Variants in TRAK1 observed in about 807,000 individuals in gnomAD.
The protein encoded by TRAK1 is trafficking kinesin protein 1.
In TRAK1, 33 loss-of-function variants were observed where a neutral mutation model predicts 92.1. The observed-to-expected ratio is 0.36, with a 90% CI of 0.27 to 0.48. The LOEUF is 0.48. Ranked by LOEUF, TRAK1 falls within the 20% of genes least tolerant of loss-of-function variation. TRAK1 has a pLI of 0.99. For missense variants in TRAK1, 1,123 were observed against 1,257.9 expected (o/e 0.89, Z 1.62); for synonymous variants, 521 against 517.3 (o/e 1.01, Z -0.10).
chr3:42,057,757 C>T (rs1703257447), intron 1 of TRAK1, among the ~76,000 whole-genome samples: 1 of 152,122 alleles, frequency 6.6e-6, no homozygotes, highest in African/African-American at 2.4e-5. Context: ...GGCTCTGTCT[C>T]ATTTGCATCT....
At chr3:42,222,857 C>A in intron 15 of TRAK1, 85 bp from the exon 16 acceptor site, 5 of 1,461,232 alleles carry the variant, frequency 3.4e-6, no homozygotes, top group Non-Finnish European at 4.7e-6. Context: ...GTCGTCCCTA[C>A]CCCCCCTGCA....
At chr3:42,144,487 A>G (rs1699086719) in intron 2 of TRAK1, among the ~76,000 whole-genome samples, 2 of 152,134 alleles carry the variant, frequency 1.3e-5, no homozygotes, top group African/African-American at 4.8e-5. Context: ...CCTGTACCAA[A>G]CCTCAGACCA....
chr3:42,145,688 A>T (rs1436953002), intron 2 of TRAK1: 1 of 155,674 alleles, frequency 6.4e-6, no homozygotes, highest in East Asian at 1.9e-4. Flanking sequence ...AAATGTAGTC[A>T]ATTTGCCAAC....
intron 1 of TRAK1, among the ~76,000 whole-genome samples, chr3:42,115,436 C>T (rs537560615): frequency 2.2e-4 from 34 of 152,206 alleles, no homozygotes; most frequent in East Asian, 7.7e-4. Context: ...TTTCCAAACA[C>T]GGCTGAGTCG....
rs543535001 is a variant in TRAK1, at chr3:42,165,824, A to G, written c.287-10990A>G. On this transcript the variant is annotated intron_variant, in intron 2 of 15. Coordinates refer to ENST00000327628, the MANE Select transcript of TRAK1 (RefSeq NM_001042646.3). ...GCTTGGGATTTGGTCCTCAGTATCC[A>G]TGGCTACCCCACGCAGGCCTCCTGT... 2.0e-5 allele frequency among the ~76,000 whole-genome samples: 3 copies of G among 152,106 alleles called. No individual in the cohort carries two copies. The South Asian group carries it at 6.3e-4, about 32-fold the overall frequency.
intron 2 of TRAK1, among the ~76,000 whole-genome samples, chr3:42,126,114 C>T (rs1423634928): frequency 4.6e-5 from 7 of 151,570 alleles, no homozygotes; most frequent in Non-Finnish European, 8.8e-5. Context: ...CCTTGGCCTC[C>T]GAAAGTGCTG....
At chr3:42,042,222 C>T (rs1162736589) in intron 1 of TRAK1, among the ~76,000 whole-genome samples, 2 of 152,020 alleles carry the variant, frequency 1.3e-5, no homozygotes, top group South Asian at 2.1e-4. Context: ...CCATCGAGCT[C>T]GGCCTGTTTC....
At chr3:42,162,125 C>G (rs887494185) in intron 2 of TRAK1, among the ~76,000 whole-genome samples, 1 of 151,990 alleles carries the variant, frequency 6.6e-6, no homozygotes, top group Non-Finnish European at 1.5e-5. Flanking sequence ...GCCTTAAAGC[C>G]TAGCAAGATT....
At position 42,189,527 on chromosome 3, in the gene TRAK1, C is replaced by CT. The variant is rs1004547523; in HGVS notation, c.690+408dup. Reference sequence around the variant, plus strand: ...TGGGTGCTCAGAGAGAGCCATATTTCTTTTTCTTTTTTTCTTTTTTTTTGA... The same window carrying CT: ...TGGGTGCTCAGAGAGAGCCATATTTCTTTTTTCTTTTTTTCTTTTTTTTTGA... On this transcript the variant is annotated intron_variant, in intron 6 of 15. Transcript: ENST00000327628. 4.1e-4 allele frequency among the ~76,000 whole-genome samples: 63 copies of CT among 152,254 alleles called. No individual in the cohort carries two copies. In the Middle Eastern group the frequency reaches 0.014, roughly 33 times the overall value.
At chr3:42,102,460 G>A (rs190483840) in intron 1 of TRAK1, among the ~76,000 whole-genome samples, 1 of 152,344 alleles carries the variant, frequency 6.6e-6, no homozygotes, top group African/African-American at 2.4e-5. Context: ...ATTTGCTGAT[G>A]TGTTAAGGGT....
chr3:42,211,552 G>A (rs529201469), intron 14 of TRAK1: 343 of 985,298 alleles, frequency 3.5e-4, no homozygotes, highest in Non-Finnish European at 3.8e-4. Context: ...GCTGATTTTC[G>A]TGGCTAAAGG....
intron 1 of TRAK1, among the ~76,000 whole-genome samples, chr3:42,056,835 C>T (rs1033495563): frequency 6.6e-6 from 1 of 152,154 alleles, no homozygotes; most frequent in Non-Finnish European, 1.5e-5. Flanking sequence ...TAATAATAGG[C>T]TATTCTACAT....
chr3:42,104,689 CT>C (rs1664821296), intron 1 of TRAK1, among the ~76,000 whole-genome samples: 1 of 152,210 alleles, frequency 6.6e-6, no homozygotes, highest in South Asian at 2.1e-4. Flanking sequence ...AAAACCCCAT[CT>C]GTACGTCACC....
chr3:42,166,490 C>G (rs1366787948), intron 2 of TRAK1, among the ~76,000 whole-genome samples: 1 of 152,176 alleles, frequency 6.6e-6, no homozygotes, highest in Non-Finnish European at 1.5e-5. Context: ...ATGGTTGTGT[C>G]TCTCTCGACC....
intron 1 of TRAK1, among the ~76,000 whole-genome samples, chr3:42,095,930 A>G: frequency 6.6e-6 from 1 of 152,218 alleles, no homozygotes; most frequent in Non-Finnish European, 1.5e-5. Flanking sequence ...AGAGCTAGCT[A>G]GCCTGTTCTA....
intron 14 of TRAK1, chr3:42,212,634 GT>G: frequency 1.2e-6 from 1 of 820,630 alleles, no homozygotes; most frequent in Non-Finnish European, 1.5e-6. Flanking sequence ...TTAGATTATA[GT>G]TTTACTTTAT....
chr3:42,148,597 A>G (rs966030739), intron 2 of TRAK1, among the ~76,000 whole-genome samples: 15 of 152,146 alleles, frequency 9.9e-5, no homozygotes, highest in African/African-American at 3.6e-4. Context: ...TCTAGTGTGC[A>G]CTTTAACGCC....
chr3:42,185,131 C>CT (rs1258322049), intron 4 of TRAK1, among the ~76,000 whole-genome samples: 12 of 152,196 alleles, frequency 7.9e-5, no homozygotes, highest in African/African-American at 2.9e-4. Flanking sequence ...AGTCTAGACT[C>CT]TAACGATGCA....
intron 1 of TRAK1, among the ~76,000 whole-genome samples, chr3:42,058,147 G>C (rs1703273889): frequency 6.6e-6 from 1 of 152,076 alleles, no homozygotes; most frequent in African/African-American, 2.4e-5. Flanking sequence ...GCCGGCTTCT[G>C]GGTAAAATAC....
Sources: allele counts gnomAD v4.1 joint callset (sites outside exome capture counted in the v4.1 genomes callset), GRCh38; gene constraint gnomAD v4.1.1; transcripts MANE v1.5; gene names NCBI Gene and HGNC (gene_info 2026-07-23, HGNC 2026-07-21).